The following SYT14 variants were observed in gnomAD, a reference collection of about 807,000 sequenced individuals.
SYT14 encodes synaptotagmin 14.
A neutral mutation model predicts 74.2 loss-of-function variants in SYT14; 32 were observed. The ratio of observed to expected loss-of-function variants is 0.43; its 90% CI spans 0.33 to 0.58. The LOEUF is 0.58. Ranked by LOEUF, SYT14 falls within the 20% of genes least tolerant of loss-of-function variation. SYT14 has a pLI of 0.05. For synonymous variants in SYT14, 298 were observed against 337.7 expected (o/e 0.88, Z 1.29); for missense variants, 791 against 981.8 (o/e 0.81, Z 2.60).
rs1399287464 is a variant in SYT14 at position 210,021,021 on chromosome 1, TC to T, written c.1097-17del. The T allele has an allele frequency of 6.2e-7, 1 of 1,612,290 alleles. No homozygotes were observed. Reference sequence around the variant, plus strand: ...TTTTTTTTCAATTACCGTTTGTTCTTCATGTCATTCCAAATAGATAATTCCT... The same window carrying T: ...TTTTTTTTCAATTACCGTTTGTTCTTATGTCATTCCAAATAGATAATTCCT... On this transcript the variant is annotated splice_polypyrimidine_tract_variant and intron_variant, in intron 4 of 9. Transcript: ENST00000637265.
intron 5 of SYT14, among the ~76,000 whole-genome samples, chr1:210,081,045 A>G (rs1016325397): frequency 6.6e-6 from 1 of 152,216 alleles, no homozygotes; most frequent in Admixed American, 6.5e-5. Context: ...CAAAGAGAGC[A>G]TAAAAGACCA....
intron 5 of SYT14, among the ~76,000 whole-genome samples, chr1:210,088,591 C>T (rs1002993947): frequency 1.3e-5 from 2 of 151,982 alleles, no homozygotes; most frequent in East Asian, 1.9e-4. Context: ...AACCCAAATG[C>T]CCATCAATGT....
intron 6 of SYT14, among the ~76,000 whole-genome samples, chr1:210,095,082 CTGGT>C (rs2081946436): frequency 6.6e-6 from 1 of 152,068 alleles, no homozygotes; most frequent in Non-Finnish European, 1.5e-5. Context: ...TTCAGAGTGG[CTGGT>C]TGGTTGAGCT....
intron 5 of SYT14, among the ~76,000 whole-genome samples, chr1:210,046,665 G>T (rs2080891229): frequency 1.3e-5 from 2 of 152,068 alleles, no homozygotes; most frequent in African/African-American, 4.8e-5. Context: ...TGTTTTTGAG[G>T]TTCATCTGTA....
At chr1:210,056,227 A>G (rs1445139519) in intron 5 of SYT14, among the ~76,000 whole-genome samples, 7 of 152,100 alleles carry the variant, frequency 4.6e-5, no homozygotes, top group African/African-American at 1.4e-4. Flanking sequence ...TTGTCTCTCA[A>G]GAGCTTTCAG....
chr1:209,945,791 G>A (rs973837819), intron 1 of SYT14, among the ~76,000 whole-genome samples: 13 of 152,084 alleles, frequency 8.5e-5, no homozygotes, highest in Admixed American at 3.9e-4. Context: ...TAAATTTTGA[G>A]GTTTAATTCC....
intron 5 of SYT14, among the ~76,000 whole-genome samples, chr1:210,083,273 G>A (rs2081652107): frequency 6.6e-6 from 1 of 152,128 alleles, no homozygotes; most frequent in Non-Finnish European, 1.5e-5. Context: ...ATACAGGCGT[G>A]AGCCGCCATG....
At chr1:210,076,038 T>A (rs146231307) in intron 5 of SYT14, among the ~76,000 whole-genome samples, 1 of 152,346 alleles carries the variant, frequency 6.6e-6, no homozygotes, top group East Asian at 1.9e-4. Context: ...GGTTTTATGT[T>A]GCCTCCAACT....
intron 2 of SYT14, among the ~76,000 whole-genome samples, chr1:209,981,454 T>TC (rs1288874295): frequency 3.1e-4 from 43 of 139,448 alleles, no homozygotes; most frequent in South Asian, 7.1e-4. Context: ...TCTTTTCTTT[T>TC]TTTTTTTTTT....
At chr1:210,154,461 C>A (rs1374241543) in intron 7 of SYT14, among the ~76,000 whole-genome samples, 2 of 152,080 alleles carry the variant, frequency 1.3e-5, no homozygotes, top group Non-Finnish European at 2.9e-5. Flanking sequence ...GGTTGGAGAT[C>A]GCTGGTATAT....
At chr1:210,167,209 G>T (rs2083465293) in exon 10 of SYT14, 1 of 152,144 alleles carries the variant, frequency 6.6e-6, no homozygotes, top group African/African-American at 2.4e-5. Context: ...GCAGCCATAG[G>T]TGCTGGCATG....
At chr1:210,059,437 T>TAGAGAG (rs2081161387) in intron 5 of SYT14, among the ~76,000 whole-genome samples, 4 of 93,428 alleles carry the variant, frequency 4.3e-5, no homozygotes, top group Non-Finnish European at 8.3e-5. Context: ...AATATATATA[T>TAGAGAG]ATATATATAT....
intron 7 of SYT14, among the ~76,000 whole-genome samples, chr1:210,153,263 ATCTGT>A (rs2083203717): frequency 6.6e-6 from 1 of 152,126 alleles, no homozygotes; most frequent in Non-Finnish European, 1.5e-5. Flanking sequence ...CTTTTAGCTC[ATCTGT>A]TTGTTGTGTA....
At chr1:210,095,752 T>G (rs886542176) in intron 6 of SYT14, among the ~76,000 whole-genome samples, 3 of 152,222 alleles carry the variant, frequency 2.0e-5, no homozygotes, top group African/African-American at 7.2e-5. Context: ...CTTCTATAAT[T>G]GTTAAAACTA....
At chr1:210,030,165 G>A (rs1365835287) in intron 5 of SYT14, among the ~76,000 whole-genome samples, 1 of 143,034 alleles carries the variant, frequency 7.0e-6, no homozygotes, top group Admixed American at 6.9e-5. Flanking sequence ...TGTTTTTAAT[G>A]GAGTCTCGCT....
intron 5 of SYT14, among the ~76,000 whole-genome samples, chr1:210,072,171 A>C (rs2081408456): frequency 6.6e-6 from 1 of 150,974 alleles, no homozygotes; most frequent in African/African-American, 2.4e-5. Context: ...AAAAGCATGA[A>C]CAGTGATATA....
intron 1 of SYT14, 126 bp downstream of exon 1, chr1:209,938,403 G>C (rs1205751372): frequency 6.6e-6 from 6 of 907,190 alleles, no homozygotes; most frequent in Non-Finnish European, 7.9e-6. Context: ...GGCTGAAGAC[G>C]CGCGGGGGTC....
chr1:209,963,557 C>G (rs72649925), intron 2 of SYT14, among the ~76,000 whole-genome samples: 1 of 152,032 alleles, frequency 6.6e-6, no homozygotes, highest in Admixed American at 6.6e-5. Flanking sequence ...ATCTTTTGAT[C>G]AATAAAATTA....
At chr1:209,959,081 CAT>C (rs2079036034) in intron 2 of SYT14, among the ~76,000 whole-genome samples, 2 of 152,084 alleles carry the variant, frequency 1.3e-5, no homozygotes, top group African/African-American at 4.8e-5. Flanking sequence ...AAATTGAAAA[CAT>C]ATGTTTATAC....
Sources: gnomAD v4.1 joint callset for allele counts (sites outside exome capture counted in the v4.1 genomes callset) on GRCh38, gnomAD v4.1.1 for gene constraint, MANE v1.5 for transcripts, NCBI Gene and HGNC (gene_info 2026-07-23, HGNC 2026-07-21) for gene names.